RGSL1: variants seen among roughly 807,000 people sequenced by gnomAD.
The protein encoded by RGSL1 is regulator of G protein signaling protein-like.
RGSL1 carries 97 observed loss-of-function variants against 124.7 expected under a neutral mutation model. The ratio of observed to expected loss-of-function variants is 0.78; its 90% CI spans 0.66 to 0.92. The LOEUF (loss-of-function observed/expected upper bound fraction) is 0.92. Ranked by LOEUF, RGSL1 falls within the 40% of genes least tolerant of loss-of-function variation. RGSL1 has a pLI of 0.00. For missense variants in RGSL1, 1,233 were observed against 1,288.4 expected, an observed-to-expected ratio of 0.96 and a Z score of 0.66; for synonymous variants, 424 against 438.1, an observed-to-expected ratio of 0.97 and a Z score of 0.40.
At chr1:182,491,259 AG>A (rs1206121750) in intron 8 of RGSL1, among the ~76,000 whole-genome samples, 1 of 152,086 alleles carries the variant, frequency 6.6e-6, no homozygotes, top group Non-Finnish European at 1.5e-5. Context: ...TTTGTCTCCC[AG>A]GCTGGAGTGC....
At chr1:182,454,903 C>A (rs1652171631) in intron 2 of RGSL1, among the ~76,000 whole-genome samples, 1 of 152,146 alleles carries the variant, frequency 6.6e-6, no homozygotes, top group African/African-American at 2.4e-5. Flanking sequence ...TTGATGCACC[C>A]TTTCCCATAA....
At chr1:182,516,712 G>A (rs1294587210) in intron 9 of RGSL1, among the ~76,000 whole-genome samples, 1 of 112,732 alleles carries the variant, frequency 8.9e-6, no homozygotes, top group African/African-American at 3.3e-5. Flanking sequence ...AGAATAAAAA[G>A]GAAAATATTT....
At chr1:182,553,598 A>C in intron 19 of RGSL1, 57 bp downstream of exon 19, 1 of 1,468,096 alleles carries the variant, frequency 6.8e-7, no homozygotes, top group Non-Finnish European at 9.3e-7. Flanking sequence ...GGGGGACTTT[A>C]AAACCAGCTT....
chr1:182,489,336 G>A (rs911351200), intron 8 of RGSL1, 134 bp downstream of exon 8: 45 of 755,366 alleles, frequency 6.0e-5, no homozygotes, highest in Middle Eastern at 3.8e-4. Context: ...CATCAAAACA[G>A]CCTAAGAGGT....
intron 16 of RGSL1, 66 bp from the exon 17 acceptor site, chr1:182,548,634 G>T (rs546709896): frequency 6.5e-7 from 1 of 1,540,582 alleles, no homozygotes. Context: ...GGTTCTGGGG[G>T]CCAGGAGAGG....
chr1:182,548,876 T>C (rs752606561), intron 17 of RGSL1, 52 bp downstream of exon 17: 1 of 1,540,696 alleles, frequency 6.5e-7, no homozygotes, highest in Non-Finnish European at 8.8e-7. Context: ...ACACACTTAG[T>C]TTGGAGAGAG....
rs543516706 is a variant in RGSL1 at position 182,526,608 on chromosome 1, G to T, written c.1932-971G>T. ...GATCACTTGAGCCTGGGAGGTCAAGGCTTCAGTGAGCTGTGTTCGTGTCAC... is the reference window on the plus strand; with the variant it reads ...GATCACTTGAGCCTGGGAGGTCAAGTCTTCAGTGAGCTGTGTTCGTGTCAC... On this transcript the variant is annotated intron_variant, in intron 10 of 21. Transcript: ENST00000294854. Among the ~76,000 whole-genome samples the T allele has an allele frequency of 2.9e-4, 44 of 152,238 alleles. No individual in the cohort carries two copies. The East Asian group carries it at 6.6e-3, about 23-fold the overall frequency.
intron 15 of RGSL1, among the ~76,000 whole-genome samples, chr1:182,543,231 T>C (rs1434665684): frequency 6.6e-6 from 1 of 152,160 alleles, no homozygotes; most frequent in Admixed American, 6.5e-5. Flanking sequence ...ATTTCTTCCA[T>C]ACCCAATTTG....
intron 9 of RGSL1, among the ~76,000 whole-genome samples, chr1:182,493,942 G>A (rs1034027969): frequency 6.6e-6 from 1 of 152,150 alleles, no homozygotes; most frequent in African/African-American, 2.4e-5. Context: ...CCTGGGAAAC[G>A]TATTTGAGAA....
Position 182,453,683 on chromosome 1 carries a change from AG to A in RGSL1, c.14-274del, listed in dbSNP as rs1358715466. On this transcript the variant is annotated intron_variant, in intron 1 of 21. Transcript: ENST00000294854. The stretch of plus-strand genomic sequence containing the variant: ...ACATAAGATAAAGGAAGACAGTCAC[AG>A]TAGGAAAAAAGAAATCTACCACTTC... 4 of 323,612 alleles carry A rather than the reference AG, an allele frequency of 1.2e-5. No homozygotes were observed. In the East Asian group the frequency reaches 2.1e-4, roughly 17 times the overall value. The allele number at this position is 323,612 out of a possible 1,614,324, so 20.0% of individuals were successfully genotyped here.
At chr1:182,517,637 C>T (rs1374145834) in intron 9 of RGSL1, among the ~76,000 whole-genome samples, 2 of 152,066 alleles carry the variant, frequency 1.3e-5, no homozygotes, top group Non-Finnish European at 2.9e-5. Flanking sequence ...GTTCTTTCCT[C>T]TCCTTGATCC....
Position 182,530,777 on chromosome 1 carries a change from G to A in RGSL1, c.2244-13G>A. 1 of 1,517,316 alleles carries A rather than the reference G, an allele frequency of 6.6e-7. No homozygotes were observed. The highest frequency in any genetic ancestry group is 8.8e-7 in the Non-Finnish European group (1 of 1,134,374). 94.0% of individuals were successfully genotyped at this position (1,517,316 alleles called of 1,614,324 possible). A position where few individuals can be genotyped will look rare whatever the true frequency, so the allele number is the denominator to read the frequency against. Reference sequence around the variant, plus strand: ...TTTTGCCCTGTTTGATATTACTGATGTCCTTCTGACAGGTTTAAAGATTAT... The same window carrying A: ...TTTTGCCCTGTTTGATATTACTGATATCCTTCTGACAGGTTTAAAGATTAT... On this transcript the variant is annotated splice_polypyrimidine_tract_variant and intron_variant, in intron 12 of 21. Coordinates refer to ENST00000294854, the MANE Select transcript of RGSL1 (RefSeq NM_001137669.2).
At chr1:182,459,494 T>C (rs1044936356) in intron 3 of RGSL1, among the ~76,000 whole-genome samples, 3 of 152,178 alleles carry the variant, frequency 2.0e-5, no homozygotes, top group Non-Finnish European at 4.4e-5. Flanking sequence ...CTGAAAAAAA[T>C]TACCTCCTTT....
Position 182,512,370 on chromosome 1 carries a change from TC to T in RGSL1, c.1826-9628del, listed in dbSNP as rs949371215. On this transcript the variant is annotated intron_variant, in intron 9 of 21. Coordinates refer to ENST00000294854, the MANE Select transcript of RGSL1 (RefSeq NM_001137669.2). Reference sequence around the variant, plus strand: ...TGCTTGTATGGAATATCTTTTTCCATCCCCCCACTTTCAGTCTGTATATGTG... The same window carrying T: ...TGCTTGTATGGAATATCTTTTTCCATCCCCCACTTTCAGTCTGTATATGTG... Among the ~76,000 whole-genome samples the T allele has an allele frequency of 1.1e-4, 16 of 152,008 alleles. 1 individual carries two copies. The highest frequency in any genetic ancestry group is 4.2e-4 in the South Asian group (2 of 4,812).
chr1:182,462,866 G>A (rs570039817), intron 4 of RGSL1, among the ~76,000 whole-genome samples: 1 of 152,098 alleles, frequency 6.6e-6, no homozygotes, highest in Non-Finnish European at 1.5e-5. Flanking sequence ...AAAAGGAAAT[G>A]ACAAAGGAAT....
chr1:182,556,089 C>T lies in RGSL1; in HGVS notation c.*32C>T. On this transcript the variant is annotated 3_prime_UTR_variant, in exon 21 of 22. Transcript: ENST00000294854. The stretch of plus-strand genomic sequence containing the variant: ...GAGACCCCCAGCAGAGATAAATCAT[C>T]TCTTAGAGGCCTCCTAACACTGACA... 2 of 1,542,404 alleles carry T rather than the reference C, an allele frequency of 1.3e-6. No homozygotes were observed. The highest frequency in any genetic ancestry group is 1.8e-6 in the Non-Finnish European group (2 of 1,139,286).
chr1:182,530,237 T>G lies in RGSL1; in HGVS notation c.2126-7T>G, dbSNP rs111343833. 1.9e-3 allele frequency: 2,941 copies of G among 1,544,884 alleles called. 38 individuals are homozygous for G. In the African/African-American group the frequency reaches 0.023, roughly 12 times the overall value. ...TTACAGCTTCTTTTCTCTCTTGCATTTTCTAGAAGAAATGCTGCAGTGTGA... is the reference window on the plus strand; with the variant it reads ...TTACAGCTTCTTTTCTCTCTTGCATGTTCTAGAAGAAATGCTGCAGTGTGA... On this transcript the variant is annotated splice_region_variant and splice_polypyrimidine_tract_variant and intron_variant, in intron 11 of 21. Transcript: ENST00000294854.
intron 2 of RGSL1, among the ~76,000 whole-genome samples, chr1:182,455,850 C>T (rs155552): frequency 0.44 from 67,188 of 152,084 alleles, 14,973 homozygotes; most frequent in East Asian, 0.53. Flanking sequence ...GACATTACCC[C>T]AAGGTGTTAG....
At chr1:182,554,428 A>G (rs1007172587) in intron 19 of RGSL1, among the ~76,000 whole-genome samples, 199 bp from the exon 20 acceptor site, 7 of 152,202 alleles carry the variant, frequency 4.6e-5, no homozygotes, top group Admixed American at 3.3e-4. Context: ...TGGGACACAC[A>G]CAAACACACA....
Sources: allele counts gnomAD v4.1 joint callset (sites outside exome capture counted in the v4.1 genomes callset), GRCh38; gene constraint gnomAD v4.1.1; transcripts MANE v1.5; gene names NCBI Gene and HGNC (gene_info 2026-07-23, HGNC 2026-07-21).